The following GNG7 variants were observed in gnomAD, a reference collection of about 807,000 sequenced individuals.
GNG7 encodes guanine nucleotide-binding protein G(I)/G(S)/G(O) subunit gamma-7.
In GNG7, 1 loss-of-function variant was observed where a neutral mutation model predicts 4.0. That is an observed-to-expected ratio of 0.25 (90% CI 0.09 to 1.18). The LOEUF (loss-of-function observed/expected upper bound fraction) is 1.18. GNG7 is among the 50% of genes most tolerant of loss of function. The probability of loss-of-function intolerance (pLI) is 0.50; values close to 1 mark genes in which losing one functional copy is unlikely to be tolerated. For synonymous variants in GNG7, 34 were observed against 36.9 expected (o/e 0.92, Z 0.29); for missense variants, 86 against 91.9 (o/e 0.94, Z 0.26).
intron 2 of GNG7, among the ~76,000 whole-genome samples, chr19:2,604,639 CAAAAA>C (rs71178297): frequency 3.4e-4 from 30 of 87,868 alleles, no homozygotes; most frequent in African/African-American, 1.1e-3. Context: ...GACCCTCCTT[CAAAAA>C]AAAAAAAAAA....
At chr19:2,516,750 C>G (rs142560596) in intron 4 of GNG7, among the ~76,000 whole-genome samples, 1 of 152,170 alleles carries the variant, frequency 6.6e-6, no homozygotes, top group African/African-American at 2.4e-5. Context: ...CCGGTGAGGA[C>G]GAGATAAGCC....
At chr19:2,599,485 GGCAGCCCT>G (rs1431200646) in intron 2 of GNG7, among the ~76,000 whole-genome samples, 84 of 152,162 alleles carry the variant, frequency 5.5e-4, no homozygotes, top group Admixed American at 5.4e-3. Flanking sequence ...GGGGCCCTCG[GGCAGCCCT>G]GCCATGCAGC....
At chr19:2,516,507 A>G (rs964646824) in intron 4 of GNG7, among the ~76,000 whole-genome samples, 2 of 152,164 alleles carry the variant, frequency 1.3e-5, no homozygotes, top group Non-Finnish European at 2.9e-5. Flanking sequence ...TACAGGCGTG[A>G]GCCACGGCAC....
intron 2 of GNG7, among the ~76,000 whole-genome samples, chr19:2,604,102 G>A (rs993936736): frequency 2.0e-5 from 3 of 151,708 alleles, no homozygotes; most frequent in African/African-American, 4.8e-5. Context: ...CACCCGCCTC[G>A]GCCCCCCAAA....
chr19:2,699,178 T>A lies in GNG7; in HGVS notation c.-135+3468A>T, dbSNP rs886466223. ...TTTTTTTTTTTTTTGAGACAGAGTC[T>A]CACTCTGTGGCCCAGGCTGGAGTGC... On this transcript the variant is annotated intron_variant, in intron 1 of 4. Coordinates refer to ENST00000382159, the MANE Select transcript of GNG7 (RefSeq NM_052847.3). Among the ~76,000 whole-genome samples the A allele has an allele frequency of 2.1e-5, 3 of 143,542 alleles. No homozygotes were observed. The Admixed American group carries it at 2.1e-4, about 10-fold the overall frequency. The allele number at this position is 143,542 out of a possible 152,430, so 94.2% of individuals were successfully genotyped here.
chr19:2,562,946 CTTTTTTTTT>C (rs1979789879), intron 2 of GNG7, among the ~76,000 whole-genome samples: 1 of 150,038 alleles, frequency 6.7e-6, no homozygotes, highest in Non-Finnish European at 1.5e-5. Flanking sequence ...TTTTCTTTTT[CTTTTTTTTT>C]GTTTTTTGAG....
chr19:2,644,774 C>T (rs138442328), intron 2 of GNG7, among the ~76,000 whole-genome samples: 26 of 152,294 alleles, frequency 1.7e-4, no homozygotes, highest in African/African-American at 6.0e-4. Flanking sequence ...CCTCAAGGTA[C>T]ATCCACACTG....
At chr19:2,539,199 C>G (rs903150309) in intron 3 of GNG7, among the ~76,000 whole-genome samples, 1 of 152,066 alleles carries the variant, frequency 6.6e-6, no homozygotes, top group Non-Finnish European at 1.5e-5. Flanking sequence ...CGTTGCAAAG[C>G]AGATTATCTT....
At chr19:2,538,101 A>AAAAC (rs1219358230) in intron 3 of GNG7, 26 of 455,528 alleles carry the variant, frequency 5.7e-5, no homozygotes, top group Non-Finnish European at 1.1e-4. Context: ...AAAACAAAAC[A>AAAAC]AAACAACAAT....
chr19:2,565,711 G>T (rs991319687), intron 2 of GNG7, among the ~76,000 whole-genome samples: 3 of 152,184 alleles, frequency 2.0e-5, no homozygotes, highest in Admixed American at 6.5e-5. Context: ...GGTGTGCCGG[G>T]CACAGGGCAG....
chr19:2,687,388 G>A (rs545995901), intron 1 of GNG7, among the ~76,000 whole-genome samples: 156 of 151,298 alleles, frequency 1.0e-3, no homozygotes, highest in African/African-American at 3.4e-3. Flanking sequence ...AGGCCGAGGC[G>A]GGTGGATCAC....
intron 1 of GNG7, among the ~76,000 whole-genome samples, chr19:2,668,365 G>C (rs1374195765): frequency 1.3e-5 from 2 of 151,910 alleles, no homozygotes; most frequent in Non-Finnish European, 1.5e-5. Flanking sequence ...ACCTAGAAAA[G>C]AAAGACGCTA....
At chr19:2,693,372 C>T (rs1268155404) in intron 1 of GNG7, among the ~76,000 whole-genome samples, 1 of 142,324 alleles carries the variant, frequency 7.0e-6, no homozygotes, top group Non-Finnish European at 1.5e-5. Flanking sequence ...GCCAAGATCA[C>T]ACCACTGTAC....
intron 2 of GNG7, chr19:2,642,325 G>C (rs1982529812): frequency 4.5e-6 from 1 of 223,324 alleles, no homozygotes; most frequent in African/African-American, 2.3e-5. Context: ...AACACTATTA[G>C]CTCCGCAGCT....
At chr19:2,568,315 GCA>G (rs1056304834) in intron 2 of GNG7, among the ~76,000 whole-genome samples, 12 of 69,450 alleles carry the variant, frequency 1.7e-4, no homozygotes, top group South Asian at 8.9e-4. Flanking sequence ...ACATACACAC[GCA>G]CACACACATA....
intron 2 of GNG7, 108 bp from the exon 3 acceptor site, chr19:2,555,296 C>G (rs1979509369): frequency 6.8e-6 from 1 of 147,580 alleles, no homozygotes; most frequent in African/African-American, 2.5e-5. Context: ...CGTTGCTGTC[C>G]CCAAAAATGA....
At chr19:2,673,194 C>G (rs924555895) in intron 1 of GNG7, among the ~76,000 whole-genome samples, 1 of 148,394 alleles carries the variant, frequency 6.7e-6, no homozygotes, top group African/African-American at 2.5e-5. Flanking sequence ...GGAGGCGGAG[C>G]TTGCAGCGAG....
At chr19:2,678,860 C>T (rs1410019641) in intron 1 of GNG7, among the ~76,000 whole-genome samples, 3 of 152,058 alleles carry the variant, frequency 2.0e-5, no homozygotes, top group Non-Finnish European at 4.4e-5. Flanking sequence ...CGTCATGCAG[C>T]CTTCGACGAT....
chr19:2,583,760 G>A (rs1350492462), intron 2 of GNG7, among the ~76,000 whole-genome samples: 2 of 152,124 alleles, frequency 1.3e-5, no homozygotes, highest in Non-Finnish European at 2.9e-5. Flanking sequence ...TGGTGGCACT[G>A]CACTCCTATT....
Sources: allele counts gnomAD v4.1 joint callset (sites outside exome capture counted in the v4.1 genomes callset), GRCh38; gene constraint gnomAD v4.1.1; transcripts MANE v1.5; gene names NCBI Gene and HGNC (gene_info 2026-07-23, HGNC 2026-07-21).